The following CCSER1 variants were observed in gnomAD, a reference collection of about 807,000 sequenced individuals.
The protein encoded by CCSER1 is serine-rich coiled-coil domain-containing protein 1.
Under a neutral mutation model 82.0 loss-of-function variants are expected in CCSER1, and 41 were observed. The ratio of observed to expected loss-of-function variants is 0.50; its 90% confidence interval spans 0.39 to 0.65. The LOEUF (loss-of-function observed/expected upper bound fraction) is 0.65. Ranked by LOEUF, CCSER1 falls within the 30% of genes least tolerant of loss-of-function variation. CCSER1 has a pLI of 0.00. For missense variants in CCSER1, 1,119 were observed against 1,064.2 expected, an observed-to-expected ratio of 1.05 and a Z score of -0.72; for synonymous variants, 414 against 383.9, an observed-to-expected ratio of 1.08 and a Z score of -0.92.
chr4:90,514,278 AG>A (rs1412310274), intron 5 of CCSER1, among the ~76,000 whole-genome samples: 1 of 152,210 alleles, frequency 6.6e-6, no homozygotes, highest in Non-Finnish European at 1.5e-5. Context: ...AATTATTTTC[AG>A]TGATTAAAGA....
intron 8 of CCSER1, among the ~76,000 whole-genome samples, chr4:90,906,905 C>A (rs1725565227): frequency 1.3e-5 from 2 of 152,068 alleles, no homozygotes; most frequent in Admixed American, 6.6e-5. Context: ...CCTATTACTC[C>A]AAATTCATTG....
At chr4:90,592,054 G>A (rs75086676) in intron 5 of CCSER1, among the ~76,000 whole-genome samples, 5,255 of 152,106 alleles carry the variant, frequency 0.035, 135 homozygotes, top group Middle Eastern at 0.078. Flanking sequence ...GCAAGGGGAC[G>A]GAGAGTGTTA....
At chr4:91,043,564 G>A (rs1256434019) in intron 9 of CCSER1, among the ~76,000 whole-genome samples, 1 of 146,568 alleles carries the variant, frequency 6.8e-6, no homozygotes, top group African/African-American at 2.5e-5. Flanking sequence ...CAAGGATAAC[G>A]CTAACTAGCA....
At chr4:90,156,430 T>C (rs989250837) in intron 1 of CCSER1, among the ~76,000 whole-genome samples, 2 of 152,222 alleles carry the variant, frequency 1.3e-5, no homozygotes, top group Non-Finnish European at 2.9e-5. Flanking sequence ...TGTATCGTTG[T>C]TAACTTTCTG....
chr4:90,549,398 G>T (rs927263918), intron 5 of CCSER1, among the ~76,000 whole-genome samples: 1 of 151,832 alleles, frequency 6.6e-6, no homozygotes, highest in African/African-American at 2.4e-5. Flanking sequence ...CATAAGAGAA[G>T]TCACGATAAA....
intron 5 of CCSER1, among the ~76,000 whole-genome samples, chr4:90,473,018 G>A (rs1425746015): frequency 6.6e-6 from 1 of 152,096 alleles, no homozygotes; most frequent in African/African-American, 2.4e-5. Context: ...ATACAGAGGG[G>A]AATTATAAAT....
intron 10 of CCSER1, among the ~76,000 whole-genome samples, chr4:91,402,065 C>A (rs998805585): frequency 1.6e-4 from 24 of 151,850 alleles, no homozygotes; most frequent in African/African-American, 5.5e-4. Flanking sequence ...GCACCTGTTT[C>A]CTGACTTTTT....
chr4:90,478,714 T>C (rs1765440901), intron 5 of CCSER1, among the ~76,000 whole-genome samples: 1 of 151,456 alleles, frequency 6.6e-6, no homozygotes, highest in Non-Finnish European at 1.5e-5. Context: ...AAAGAATAAA[T>C]TGTACTTTCT....
intron 10 of CCSER1, among the ~76,000 whole-genome samples, chr4:91,246,220 G>A (rs1259360988): frequency 1.3e-5 from 2 of 152,166 alleles, no homozygotes; most frequent in African/African-American, 4.8e-5. Flanking sequence ...AAAGCAGGGT[G>A]ACAAAGTTAA....
chr4:90,262,734 C>T lies in CCSER1; in HGVS notation c.-41-45510C>T, dbSNP rs190440211. On this transcript the variant is annotated intron_variant, in intron 1 of 10. Transcript: ENST00000509176. ...AAGGGTGGGAGCTACCTTAACTCCCCTGCCAGGCCAGTAGGAAATCTGTCT... is the reference window on the plus strand; with the variant it reads ...AAGGGTGGGAGCTACCTTAACTCCCTTGCCAGGCCAGTAGGAAATCTGTCT... 9.4e-4 allele frequency among the ~76,000 whole-genome samples: 143 copies of T among 152,174 alleles called. 1 individual carries two copies. Among genetic ancestry groups the T allele is most frequent in the Admixed American group, 7.1e-3 (109 of 15,268 alleles).
intron 10 of CCSER1, among the ~76,000 whole-genome samples, chr4:91,252,454 G>GT (rs1740327509): frequency 6.6e-6 from 1 of 152,118 alleles, no homozygotes. Flanking sequence ...TGGTATTATT[G>GT]TAACAATGGT....
intron 7 of CCSER1, among the ~76,000 whole-genome samples, chr4:90,810,644 TCAACAACAACAA>T (rs34797230): frequency 4.7e-5 from 6 of 128,470 alleles, no homozygotes; most frequent in East Asian, 2.6e-4. Context: ...AGACTCCCTC[TCAACAACAACAA>T]CAACAACAAC....
intron 10 of CCSER1, among the ~76,000 whole-genome samples, chr4:91,551,651 AAAC>A (rs1285442462): frequency 5.5e-5 from 6 of 108,732 alleles, no homozygotes; most frequent in East Asian, 2.9e-4. Flanking sequence ...AGCAGGCAAA[AAAC>A]AAACACACAC....
chr4:90,887,991 G>T (rs769970891), intron 8 of CCSER1, among the ~76,000 whole-genome samples: 1 of 152,024 alleles, frequency 6.6e-6, no homozygotes, highest in Non-Finnish European at 1.5e-5. Flanking sequence ...AAATGTAGTG[G>T]GTGCAACGGA....
intron 10 of CCSER1, among the ~76,000 whole-genome samples, chr4:91,122,237 T>C (rs1180743081): frequency 1.3e-5 from 2 of 151,772 alleles, no homozygotes; most frequent in Non-Finnish European, 3.0e-5. Flanking sequence ...GGTTCCTTGA[T>C]ACTATCAATT....
chr4:90,256,188 G>A (rs1483859407), intron 1 of CCSER1, among the ~76,000 whole-genome samples: 2 of 152,118 alleles, frequency 1.3e-5, no homozygotes, highest in Admixed American at 6.5e-5. Context: ...TAATGGAGGA[G>A]CCAATTCCTA....
chr4:90,542,600 A>G (rs1393982971), intron 5 of CCSER1, among the ~76,000 whole-genome samples: 1 of 152,138 alleles, frequency 6.6e-6, no homozygotes, highest in Non-Finnish European at 1.5e-5. Flanking sequence ...GCAAGTGTAT[A>G]TGCTAGATAA....
At chr4:91,301,068 G>T (rs993819783) in intron 10 of CCSER1, among the ~76,000 whole-genome samples, 1 of 151,770 alleles carries the variant, frequency 6.6e-6, no homozygotes, top group Non-Finnish European at 1.5e-5. Flanking sequence ...ATGGCTTTGC[G>T]TGGCATTTGT....
chr4:90,536,497 T>C (rs990218572), intron 5 of CCSER1, among the ~76,000 whole-genome samples: 2 of 152,178 alleles, frequency 1.3e-5, no homozygotes, highest in Admixed American at 6.5e-5. Flanking sequence ...GTTTCCATCA[T>C]CTTCTGTCTG....
Sources: gnomAD v4.1 joint callset for allele counts (sites outside exome capture counted in the v4.1 genomes callset) on GRCh38, gnomAD v4.1.1 for gene constraint, MANE v1.5 for transcripts, NCBI Gene and HGNC (gene_info 2026-07-23, HGNC 2026-07-21) for gene names.